The following NF1 variants were observed in gnomAD, a reference collection of about 807,000 sequenced individuals.
NF1 encodes the protein neurofibromin.
In NF1, 122 loss-of-function variants were observed where a neutral mutation model predicts 325.7. The observed-to-expected ratio is 0.37, with a 90% CI of 0.32 to 0.44. NF1 has a LOEUF of 0.44. NF1 is among the 20% of genes least tolerant of loss of function. The pLI is 1.00. For synonymous variants in NF1, 1,091 were observed against 1,186.0 expected (o/e 0.92, Z 1.65); for missense variants, 2,140 against 3,415.4 (o/e 0.63, Z 9.31).
chr17:31,275,048 T>C (rs1015134794), intron 36 of NF1, among the ~76,000 whole-genome samples: 1 of 152,196 alleles, frequency 6.6e-6, no homozygotes, highest in Non-Finnish European at 1.5e-5. Context: ...CTCTTCATGA[T>C]GATTAAGTAA....
intron 36 of NF1, among the ~76,000 whole-genome samples, chr17:31,287,996 G>A (rs1467315610): frequency 6.6e-6 from 1 of 151,064 alleles, no homozygotes; most frequent in Non-Finnish European, 1.5e-5. Flanking sequence ...ACGAGTTAGT[G>A]GGTGCAGCAC....
chr17:31,272,803 T>G (rs1352959656), intron 36 of NF1: 1 of 152,222 alleles, frequency 6.6e-6, no homozygotes, highest in East Asian at 1.9e-4. Context: ...ATTGAACACT[T>G]GGATCACAAA....
chr17:31,287,809 G>A (rs536262380), intron 36 of NF1, among the ~76,000 whole-genome samples: 1 of 151,774 alleles, frequency 6.6e-6, no homozygotes, highest in East Asian at 1.9e-4. Context: ...AGTGTGCTGG[G>A]ATTACAGGCA....
At chr17:31,214,124 C>T (rs1317426074) in intron 12 of NF1, among the ~76,000 whole-genome samples, 1 of 151,776 alleles carries the variant, frequency 6.6e-6, no homozygotes, top group African/African-American at 2.4e-5. Flanking sequence ...ATCTTTTTTC[C>T]CTTATGTTTT....
At chr17:31,276,708 G>A (rs1004946503) in intron 36 of NF1, among the ~76,000 whole-genome samples, 3 of 152,136 alleles carry the variant, frequency 2.0e-5, no homozygotes, top group African/African-American at 7.2e-5. Context: ...TACATGATAA[G>A]AATAGTACTT....
chr17:31,155,831 T>C (rs1294959260), intron 1 of NF1, 152 bp from the exon 2 acceptor site: 17 of 774,906 alleles, frequency 2.2e-5, no homozygotes, highest in Non-Finnish European at 3.1e-5. Context: ...ATATTGGAGG[T>C]TGATTGAAAA....
At chr17:31,252,844 T>G in intron 30 of NF1, 94 bp from the exon 31 acceptor site, 1 of 984,776 alleles carries the variant, frequency 1.0e-6, no homozygotes, top group Non-Finnish European at 1.6e-6. Flanking sequence ...TTGTGTTACA[T>G]TTTATGGTGT....
At chr17:31,155,016 C>T (rs1298203357) in intron 1 of NF1, among the ~76,000 whole-genome samples, 1 of 152,114 alleles carries the variant, frequency 6.6e-6, no homozygotes, top group Non-Finnish European at 1.5e-5. Context: ...GGATGAGCCA[C>T]CGTGCCCAGC....
intron 51 of NF1, among the ~76,000 whole-genome samples, chr17:31,354,971 C>T (rs2070236471): frequency 6.6e-6 from 1 of 152,110 alleles, no homozygotes; most frequent in Non-Finnish European, 1.5e-5. Flanking sequence ...TGATACCATT[C>T]ATAGAGATCA....
At chr17:31,190,004 G>A (rs1435627368) in intron 8 of NF1, among the ~76,000 whole-genome samples, 1 of 149,706 alleles carries the variant, frequency 6.7e-6, no homozygotes, top group Admixed American at 6.7e-5. Flanking sequence ...CAGGTGATCT[G>A]CCTGCCTCGG....
At chr17:31,273,965 A>C (rs2067953239) in intron 36 of NF1, among the ~76,000 whole-genome samples, 1 of 152,176 alleles carries the variant, frequency 6.6e-6, no homozygotes, top group Non-Finnish European at 1.5e-5. Context: ...AAGTGTATTA[A>C]AGGTGTCTGC....
intron 36 of NF1, chr17:31,314,088 C>A (rs1165961465): frequency 5.0e-6 from 2 of 397,734 alleles, no homozygotes; most frequent in East Asian, 3.6e-5. Context: ...TTAAAATGTT[C>A]CTCTAGCAAA....
chr17:31,255,408 T>C (rs188944521), intron 31 of NF1, among the ~76,000 whole-genome samples: 39 of 152,228 alleles, frequency 2.6e-4, no homozygotes, highest in African/African-American at 8.7e-4. Flanking sequence ...TGATGTCAAT[T>C]AGTGGTGAAT....
intron 30 of NF1, chr17:31,249,903 AG>A (rs1361728725): frequency 9.6e-5 from 46 of 480,422 alleles, no homozygotes; most frequent in African/African-American, 8.5e-4. Flanking sequence ...GGTGGATATA[AG>A]GGAAATACAC....
chr17:31,203,685 T>A (rs1465489121), intron 11 of NF1, among the ~76,000 whole-genome samples: 1 of 152,168 alleles, frequency 6.6e-6, no homozygotes, highest in East Asian at 1.9e-4. Context: ...GATCTTAAAT[T>A]CATTCGTAGT....
chr17:31,370,757 G>A (rs2070621018), intron 57 of NF1, among the ~76,000 whole-genome samples: 1 of 152,256 alleles, frequency 6.6e-6, no homozygotes, highest in African/African-American at 2.4e-5. Context: ...CGAGCCCCAG[G>A]GTAGCAGATT....
At chr17:31,231,282 A>G (rs943483106) in intron 24 of NF1, among the ~76,000 whole-genome samples, 3 of 152,220 alleles carry the variant, frequency 2.0e-5, no homozygotes, top group African/African-American at 7.2e-5. Context: ...TTTTTAAGAA[A>G]TAATTGATTT....
In NF1 at chr17:31,258,466, A is replaced by C. The variant is rs864622492; in HGVS notation, c.4296A>C (p.Pro1432=). 1 of 1,613,982 alleles carries C rather than the reference A, an allele frequency of 6.2e-7. No homozygotes were observed. ...YEAGILDKKP[P]PRIERGLKLM... is the part of the protein sequence containing the mutation. ...CAGGGATTTTAGATAAAAAGCCACC[A>C]CCTAGAATCGAAAGGGGCTTGAAGT... The change falls in exon 32 of 58, where the codon CCA becomes CCC. Residue 1432 remains proline (P), a synonymous_variant. Coordinates refer to ENST00000358273, the MANE Select transcript of NF1 (RefSeq NM_001042492.3).
chr17:31,338,342 C>T (rs1435425792), intron 45 of NF1, among the ~76,000 whole-genome samples: 3 of 152,064 alleles, frequency 2.0e-5, no homozygotes, highest in Non-Finnish European at 4.4e-5. Context: ...TATATGTAAA[C>T]TCTGATTACT....
Sources: allele counts gnomAD v4.1 joint callset (sites outside exome capture counted in the v4.1 genomes callset), GRCh38; gene constraint gnomAD v4.1.1; transcripts MANE v1.5; gene names NCBI Gene and HGNC (gene_info 2026-07-23, HGNC 2026-07-21).